JAZF1: variants seen among roughly 807,000 people sequenced by gnomAD.
JAZF1 encodes the protein JAZF zinc finger 1.
A neutral mutation model predicts 26.4 loss-of-function variants in JAZF1; 8 were observed. The ratio of observed to expected loss-of-function variants is 0.30; its 90% CI spans 0.18 to 0.55. JAZF1 has a LOEUF of 0.55. JAZF1 is among the 20% of genes least tolerant of loss of function. The pLI is 0.94. For synonymous variants in JAZF1, 126 were observed against 122.3 expected (o/e 1.03, Z -0.20); for missense variants, 199 against 322.0 (o/e 0.62, Z 2.92).
chr7:28,018,886 T>G (rs1444894433), intron 1 of JAZF1, among the ~76,000 whole-genome samples: 2 of 152,164 alleles, frequency 1.3e-5, no homozygotes, highest in African/African-American at 4.8e-5. Context: ...ATCTAAAATT[T>G]TCGTGGTTCA....
chr7:28,003,378 C>T (rs1562555766), intron 1 of JAZF1, among the ~76,000 whole-genome samples: 1 of 152,158 alleles, frequency 6.6e-6, no homozygotes, highest in African/African-American at 2.4e-5. Flanking sequence ...ATCATCATGT[C>T]AAATTATGGC....
Position 27,994,463 on chromosome 7 carries a change from A to AAAAAAC in JAZF1, c.116-2483_116-2482insGTTTTT, listed in dbSNP as rs774205068. Among the ~76,000 whole-genome samples, 8 of 28,540 alleles carry AAAAAAC rather than the reference A, an allele frequency of 2.8e-4. No homozygotes were observed. The South Asian group carries it at 0.016, about 56-fold the overall frequency. 18.7% of individuals were successfully genotyped at this position (28,540 alleles called of 152,430 possible). On this transcript the variant is annotated intron_variant, in intron 1 of 4. Coordinates refer to ENST00000283928, the MANE Select transcript of JAZF1 (RefSeq NM_175061.4). ...TCACAAAAAAAAAAAAACAAAAAAC[A>AAAAAAC]AAAAAAAACACACACACACAAAAAA...
intron 2 of JAZF1, among the ~76,000 whole-genome samples, chr7:27,976,323 C>A (rs564779719): frequency 1.8e-5 from 2 of 111,142 alleles, no homozygotes; most frequent in Non-Finnish European, 1.7e-5. Flanking sequence ...CCAGCCTGGG[C>A]AACAGAGCCA....
chr7:28,059,927 C>T (rs1453573092), intron 1 of JAZF1, among the ~76,000 whole-genome samples: 5 of 152,254 alleles, frequency 3.3e-5, no homozygotes, highest in African/African-American at 9.6e-5. Flanking sequence ...TCTAGGCATA[C>T]GGATCTCTTT....
Position 27,945,622 on chromosome 7 carries a change from C to T in JAZF1, c.188+46287G>A, listed in dbSNP as rs1784915111. Among the ~76,000 whole-genome samples the T allele has an allele frequency of 3.3e-5, 5 of 152,334 alleles. No individual in the cohort carries two copies. In the South Asian group the frequency reaches 1.0e-3, roughly 32 times the overall value. On this transcript the variant is annotated intron_variant, in intron 2 of 4. Transcript: ENST00000283928. ...GTTGTGGTTCATCACCATGCCCTTGCTGGGAGTTCTCAGAACCAGCTGCAT... is the reference window on the plus strand; with the variant it reads ...GTTGTGGTTCATCACCATGCCCTTGTTGGGAGTTCTCAGAACCAGCTGCAT...
intron 2 of JAZF1, among the ~76,000 whole-genome samples, chr7:27,907,440 G>T (rs189504835): frequency 6.6e-6 from 1 of 152,186 alleles, no homozygotes; most frequent in Non-Finnish European, 1.5e-5. Context: ...TACATAAGAG[G>T]TAATTTCTTG....
chr7:27,833,875 C>T (rs1369462347), intron 4 of JAZF1, among the ~76,000 whole-genome samples: 2 of 152,114 alleles, frequency 1.3e-5, no homozygotes, highest in African/African-American at 4.8e-5. Flanking sequence ...AGGAAATGGG[C>T]TTGAGGGTAG....
intron 1 of JAZF1, chr7:28,020,517 C>T (rs1345331573): frequency 2.1e-6 from 1 of 469,708 alleles, no homozygotes; most frequent in Admixed American, 2.4e-5. Context: ...TGATCCCATA[C>T]TGACATCTTG....
intron 1 of JAZF1, among the ~76,000 whole-genome samples, chr7:28,129,640 T>G (rs750173610): frequency 6.6e-6 from 1 of 152,202 alleles, no homozygotes; most frequent in South Asian, 2.1e-4. Context: ...ACTAAAGCAG[T>G]TGAGAAAAAG....
intron 2 of JAZF1, among the ~76,000 whole-genome samples, chr7:27,986,669 CTG>C (rs1250646791): frequency 7.1e-6 from 1 of 141,158 alleles, no homozygotes; most frequent in East Asian, 2.5e-4. Flanking sequence ...CTCTCCCTCT[CTG>C]TCTCCCACTT....
Position 28,026,878 on chromosome 7 carries a change from C to T in JAZF1, c.116-34897G>A, listed in dbSNP as rs531338016. On this transcript the variant is annotated intron_variant, in intron 1 of 4. Transcript: ENST00000283928. ...GGCTTATGCCACAGAACTTACTGCA[C>T]CGCTTACCTCAGTTTTCCACTGCAT... is the stretch of plus-strand genomic sequence containing the variant. Among the ~76,000 whole-genome samples the T allele has an allele frequency of 2.0e-5, 3 of 152,340 alleles. No homozygotes were observed. The South Asian group carries it at 6.2e-4, about 32-fold the overall frequency.
At chr7:28,084,156 A>C (rs1397046158) in intron 1 of JAZF1, among the ~76,000 whole-genome samples, 1 of 152,130 alleles carries the variant, frequency 6.6e-6, no homozygotes, top group African/African-American at 2.4e-5. Context: ...CCCCCTTGCA[A>C]GGGAGGGTGG....
chr7:28,066,206 G>C (rs922687049), intron 1 of JAZF1, among the ~76,000 whole-genome samples: 2 of 152,174 alleles, frequency 1.3e-5, no homozygotes, highest in Non-Finnish European at 2.9e-5. Context: ...TAAGGCTACG[G>C]AACTTCACCA....
rs565071860 is a variant in JAZF1, at chr7:27,981,463, C to A, written c.188+10446G>T. 5.9e-5 allele frequency among the ~76,000 whole-genome samples: 9 copies of A among 152,172 alleles called. No homozygotes were observed. In the South Asian group the frequency reaches 6.2e-4, roughly 11 times the overall value. ...ACATGTTTAGACCACCTGGAGAAAT[C>A]TGAATATTAGATTAGAAATCTGGGT... On this transcript the variant is annotated intron_variant, in intron 2 of 4. Transcript: ENST00000283928.
At chr7:28,088,466 G>A (rs1453091807) in intron 1 of JAZF1, among the ~76,000 whole-genome samples, 1 of 152,124 alleles carries the variant, frequency 6.6e-6, no homozygotes, top group East Asian at 1.9e-4. Context: ...AGATCTAAAG[G>A]CTCCACTGTC....
intron 1 of JAZF1, among the ~76,000 whole-genome samples, chr7:28,081,887 A>C (rs1171365843): frequency 6.6e-6 from 1 of 152,252 alleles, no homozygotes; most frequent in African/African-American, 2.4e-5. Flanking sequence ...TTTCTTAAAA[A>C]GATCACTATA....
At chr7:28,146,298 C>T (rs1024708712) in intron 1 of JAZF1, among the ~76,000 whole-genome samples, 2 of 152,144 alleles carry the variant, frequency 1.3e-5, no homozygotes, top group African/African-American at 2.4e-5. Flanking sequence ...TAAGGAAAAC[C>T]GTTTCCCCAT....
chr7:27,849,682 A>C (rs143991479), intron 3 of JAZF1, among the ~76,000 whole-genome samples: 149 of 151,488 alleles, frequency 9.8e-4, no homozygotes, highest in African/African-American at 3.5e-3. Flanking sequence ...GGGAGCTTCT[A>C]CTGGTTGTTG....
At chr7:28,072,192 T>C (rs1783988721) in intron 1 of JAZF1, among the ~76,000 whole-genome samples, 1 of 152,206 alleles carries the variant, frequency 6.6e-6, no homozygotes, top group Non-Finnish European at 1.5e-5. Context: ...CTGTTATAAT[T>C]GCCCCAAGCA....
Sources: allele counts gnomAD v4.1 joint callset (sites outside exome capture counted in the v4.1 genomes callset), GRCh38; gene constraint gnomAD v4.1.1; transcripts MANE v1.5; gene names NCBI Gene and HGNC (gene_info 2026-07-23, HGNC 2026-07-21).